Variants in UPRT observed in about 807,000 individuals in gnomAD.
UPRT encodes RP11-311P8.3.
Under a neutral mutation model 22.6 loss-of-function variants are expected in UPRT, and 5 were observed. The observed-to-expected ratio is 0.22, with a 90% CI of 0.12 to 0.47. The LOEUF (loss-of-function observed/expected upper bound fraction) is 0.47, where lower values mean the gene tolerates loss of function less well. UPRT is among the 20% of genes least tolerant of loss of function. The pLI is 0.99. For missense variants in UPRT, 181 were observed against 239.9 expected, an observed-to-expected ratio of 0.75 and a Z score of 1.62; for synonymous variants, 77 against 87.7, an observed-to-expected ratio of 0.88 and a Z score of 0.68.
At chrX:75,204,534 T>C (rs2082357897) in intron 4 of UPRT, among the ~76,000 whole-genome samples, 1 of 112,080 alleles carries the variant, frequency 8.9e-6, no homozygotes, top group African/African-American at 3.2e-5. Flanking sequence ...GTCCCAACTT[T>C]TTTGTTTTTC....
chrX:75,237,196 A>C (rs1355642146), intron 4 of UPRT, among the ~76,000 whole-genome samples: 1 of 112,530 alleles, frequency 8.9e-6, no homozygotes, highest in African/African-American at 3.2e-5. Context: ...ACACATGAAA[A>C]AATGCTCACC....
chrX:75,303,893 T>C lies in UPRT; in HGVS notation c.*382T>C, dbSNP rs1202890109. 7.4e-6 allele frequency: 1 copy of C among 134,260 alleles called. No individual in the cohort carries two copies. The highest frequency in any genetic ancestry group is 3.2e-5 in the African/African-American group (1 of 31,164). The allele number at this position is 134,260 out of a possible 1,213,427, so 11.1% of individuals were successfully genotyped here. On this transcript the variant is annotated 3_prime_UTR_variant, in exon 7 of 7. Transcript: ENST00000373383. Reference sequence around the variant, plus strand: ...GTTTGCATTTTGTTTAGTTTGGTTTTAGCTCTACTAAGGTTTCACATATGT... The same window carrying C: ...GTTTGCATTTTGTTTAGTTTGGTTTCAGCTCTACTAAGGTTTCACATATGT...
At chrX:75,258,384 C>T (rs777605078) in intron 4 of UPRT, among the ~76,000 whole-genome samples, 28 of 109,970 alleles carry the variant, frequency 2.5e-4, no homozygotes, top group South Asian at 1.6e-3. Flanking sequence ...TTGAAATTCT[C>T]GCTGCCAGTA....
intron 4 of UPRT, among the ~76,000 whole-genome samples, chrX:75,216,021 A>G (rs1225294562): frequency 9.0e-6 from 1 of 111,722 alleles, no homozygotes; most frequent in Admixed American, 9.5e-5. Flanking sequence ...TTCTTATTAT[A>G]AAGCCAGCAT....
At chrX:75,243,391 G>T (rs767182941) in intron 4 of UPRT, among the ~76,000 whole-genome samples, 1 of 111,370 alleles carries the variant, frequency 9.0e-6, no homozygotes, top group East Asian at 2.8e-4. Context: ...TTCCTGTCTT[G>T]GATCTGTTCC....
At chrX:75,207,465 A>G (rs2082370239) in intron 4 of UPRT, among the ~76,000 whole-genome samples, 1 of 111,512 alleles carries the variant, frequency 9.0e-6, no homozygotes, top group Admixed American at 9.6e-5. Context: ...TTGTTTTGGA[A>G]GTGGGAGGAA....
chrX:75,200,995 C>A (rs1053025170), intron 4 of UPRT, among the ~76,000 whole-genome samples: 6 of 111,910 alleles, frequency 5.4e-5, no homozygotes, highest in African/African-American at 1.6e-4. Flanking sequence ...AGATTTAAGT[C>A]CAAATATTTA....
At chrX:75,274,665 G>A in intron 1 of UPRT, 25 bp downstream of exon 1, 1 of 1,167,812 alleles carries the variant, frequency 8.6e-7, no homozygotes, top group African/African-American at 1.8e-5. Flanking sequence ...GAAGGGGAAA[G>A]GGAAGTGGAG....
At chrX:75,215,276 C>G (rs1266173614) in intron 4 of UPRT, among the ~76,000 whole-genome samples, 1 of 104,165 alleles carries the variant, frequency 9.6e-6, no homozygotes, top group Non-Finnish European at 2.0e-5. Context: ...AAAAAAGACA[C>G]AAAATCAATA....
At chrX:75,277,059 C>A (rs184921160) in intron 1 of UPRT, among the ~76,000 whole-genome samples, 4 of 112,104 alleles carry the variant, frequency 3.6e-5, no homozygotes, top group African/African-American at 1.3e-4. Flanking sequence ...AAGGTTCATC[C>A]GTGTGGGATC....
intron 4 of UPRT, among the ~76,000 whole-genome samples, chrX:75,213,266 T>C (rs2082384501): frequency 8.9e-6 from 1 of 112,330 alleles, no homozygotes; most frequent in African/African-American, 3.2e-5. Context: ...TTTTAGCATC[T>C]GAATTTATTG....
intron 4 of UPRT, among the ~76,000 whole-genome samples, chrX:75,227,923 C>T (rs2082427923): frequency 8.9e-6 from 1 of 112,186 alleles, no homozygotes; most frequent in Admixed American, 9.4e-5. Context: ...TTCAGCATTG[C>T]CTCTTTTCTT....
At chrX:75,287,235 T>C (rs981190474) in intron 1 of UPRT, among the ~76,000 whole-genome samples, 4 of 111,860 alleles carry the variant, frequency 3.6e-5, no homozygotes, top group African/African-American at 1.3e-4. Context: ...TGTCAATATC[T>C]GCTGTGAGAA....
At chrX:75,196,048 A>G (rs2082331684) in intron 4 of UPRT, among the ~76,000 whole-genome samples, 1 of 112,782 alleles carries the variant, frequency 8.9e-6, no homozygotes, top group Non-Finnish European at 1.9e-5. Context: ...TACTGAAAAA[A>G]AAAGTCGTTG....
At chrX:75,204,386 T>C (rs2082357205) in intron 4 of UPRT, among the ~76,000 whole-genome samples, 1 of 112,636 alleles carries the variant, frequency 8.9e-6, no homozygotes, top group Admixed American at 9.3e-5. Context: ...AGAGTGTATG[T>C]TCTTAACTCA....
chrX:75,287,401 A>G (rs1468073027), intron 1 of UPRT, among the ~76,000 whole-genome samples: 1 of 111,668 alleles, frequency 9.0e-6, no homozygotes, highest in Admixed American at 9.5e-5. Flanking sequence ...TCATATTTCT[A>G]TATCTTGTGG....
At chrX:75,158,427 G>A (rs1456412219) in intron 1 of UPRT, among the ~76,000 whole-genome samples, 1 of 112,070 alleles carries the variant, frequency 8.9e-6, no homozygotes, top group Non-Finnish European at 1.9e-5. Context: ...CTTACAATCC[G>A]CTTTGTCATA....
intron 1 of UPRT, 26 bp downstream of exon 1, chrX:75,274,666 G>A: frequency 8.6e-7 from 1 of 1,168,251 alleles, no homozygotes; most frequent in Non-Finnish European, 1.1e-6. Flanking sequence ...AAGGGGAAAG[G>A]GAAGTGGAGG....
chrX:75,251,775 C>T (rs1043647209), intron 4 of UPRT, among the ~76,000 whole-genome samples: 7 of 111,373 alleles, frequency 6.3e-5, no homozygotes, highest in Non-Finnish European at 3.8e-5. Context: ...GCCAAAAGAA[C>T]CAAGCTGGAG....
Sources: allele counts gnomAD v4.1 joint callset (sites outside exome capture counted in the v4.1 genomes callset), GRCh38; gene constraint gnomAD v4.1.1; transcripts MANE v1.5; gene names NCBI Gene and HGNC (gene_info 2026-07-23, HGNC 2026-07-21).